The following FGF14 variants were observed in gnomAD, a reference collection of about 807,000 sequenced individuals.
FGF14 encodes fibroblast growth factor homologous factor 4.
Under a neutral mutation model 25.5 loss-of-function variants are expected in FGF14, and 5 were observed. That is an observed-to-expected ratio of 0.20 (90% CI 0.10 to 0.41). The LOEUF is 0.41. Among genes scored for constraint, FGF14 ranks in the 10% least tolerant of loss-of-function variants. The pLI is 1.00. For synonymous variants in FGF14, 138 were observed against 118.3 expected, an observed-to-expected ratio of 1.17 and a Z score of -1.08; for missense variants, 222 against 320.1, an observed-to-expected ratio of 0.69 and a Z score of 2.34.
intron 1 of FGF14, among the ~76,000 whole-genome samples, chr13:102,109,833 T>C (rs1391668735): frequency 6.6e-6 from 1 of 152,210 alleles, no homozygotes; most frequent in East Asian, 1.9e-4. Context: ...TTGGCCAGGC[T>C]GGTCTCGAAC....
chr13:101,827,452 T>C (rs550861587), intron 3 of FGF14, among the ~76,000 whole-genome samples: 19 of 152,040 alleles, frequency 1.2e-4, no homozygotes, highest in African/African-American at 3.9e-4. Flanking sequence ...TTTTAAAGTA[T>C]AGTGTATCAT....
rs1455726574 is a variant in FGF14, at chr13:101,839,079, CCTT to C, written c.408+29643_408+29645del. Among the ~76,000 whole-genome samples the C allele has an allele frequency of 2.0e-5, 3 of 152,018 alleles. No homozygotes were observed. The East Asian group carries it at 5.8e-4, about 29-fold the overall frequency. On this transcript the variant is annotated intron_variant, in intron 3 of 4. Coordinates refer to ENST00000376143, the MANE Select transcript of FGF14 (RefSeq NM_004115.4). ...CAAGGTGTAGTCAAGGCTGAACTCT[CCTT>C]CTTTAAATTAACATGAAAGATGTGA...
chr13:102,208,263 T>G (rs1566818602), intron 1 of FGF14, among the ~76,000 whole-genome samples: 1 of 152,144 alleles, frequency 6.6e-6, no homozygotes, highest in Non-Finnish European at 1.5e-5. Flanking sequence ...GGTCCTGGAG[T>G]GTGCTAAGAC....
intron 3 of FGF14, among the ~76,000 whole-genome samples, chr13:101,811,609 A>G (rs572788379): frequency 6.6e-6 from 1 of 152,328 alleles, no homozygotes; most frequent in African/African-American, 2.4e-5. Context: ...TATGTTTTCA[A>G]TTCCTTTGCA....
intron 1 of FGF14, among the ~76,000 whole-genome samples, chr13:102,097,112 C>G (rs1245627475): frequency 6.6e-6 from 1 of 151,866 alleles, no homozygotes; most frequent in African/African-American, 2.4e-5. Context: ...AAATCCCTCC[C>G]AGGTAGAACT....
chr13:101,872,122 G>A (rs2045127271), intron 2 of FGF14, among the ~76,000 whole-genome samples: 1 of 151,512 alleles, frequency 6.6e-6, no homozygotes, highest in African/African-American at 2.4e-5. Flanking sequence ...ATGAAGATAC[G>A]AAAGTTCAAG....
intron 3 of FGF14, among the ~76,000 whole-genome samples, chr13:101,767,010 C>T (rs2038448112): frequency 6.6e-6 from 1 of 152,122 alleles, no homozygotes; most frequent in East Asian, 1.9e-4. Context: ...TGCAATTAAT[C>T]ACTAATTTGT....
intron 1 of FGF14, among the ~76,000 whole-genome samples, chr13:102,136,381 C>G (rs1343344531): frequency 2.6e-5 from 4 of 152,066 alleles, no homozygotes; most frequent in Non-Finnish European, 2.9e-5. Context: ...TGTCCAAGAT[C>G]ACACGTTAAG....
At chr13:102,306,406 G>T (rs2055381211) in intron 1 of FGF14, among the ~76,000 whole-genome samples, 2 of 138,604 alleles carry the variant, frequency 1.4e-5, no homozygotes, top group African/African-American at 5.1e-5. Flanking sequence ...TTGAGAGAAG[G>T]CAGATGATGG....
At chr13:102,165,104 A>G (rs2047940246) in intron 1 of FGF14, among the ~76,000 whole-genome samples, 1 of 152,150 alleles carries the variant, frequency 6.6e-6, no homozygotes, top group Admixed American at 6.5e-5. Context: ...GCAAATTAAA[A>G]CCACAATGAG....
intron 1 of FGF14, among the ~76,000 whole-genome samples, chr13:102,297,353 T>C (rs777280421): frequency 6.6e-6 from 1 of 152,100 alleles, no homozygotes; most frequent in Non-Finnish European, 1.5e-5. Context: ...TAACATGGTA[T>C]CTTATATGGA....
chr13:101,902,932 C>A (rs563261060), intron 1 of FGF14, among the ~76,000 whole-genome samples: 1 of 152,174 alleles, frequency 6.6e-6, no homozygotes, highest in Admixed American at 6.5e-5. Context: ...TAGTGCTTCT[C>A]TCTCTCTTCC....
At chr13:102,210,318 A>C (rs1017334090) in intron 1 of FGF14, among the ~76,000 whole-genome samples, 1 of 152,104 alleles carries the variant, frequency 6.6e-6, no homozygotes, top group Admixed American at 6.5e-5. Flanking sequence ...TATGTTAAAG[A>C]AGAGATTATT....
chr13:102,362,443 A>G (rs1349999538), intron 1 of FGF14, among the ~76,000 whole-genome samples: 1 of 152,204 alleles, frequency 6.6e-6, no homozygotes, highest in Non-Finnish European at 1.5e-5. Flanking sequence ...AATTCAAGGT[A>G]AGGAATAGAG....
At chr13:102,107,635 C>T (rs1359958187) in intron 1 of FGF14, among the ~76,000 whole-genome samples, 2 of 152,150 alleles carry the variant, frequency 1.3e-5, no homozygotes, top group Admixed American at 6.5e-5. Flanking sequence ...AGAGATGTAA[C>T]TGGTCATGTG....
At chr13:102,362,317 CTCAT>C in intron 1 of FGF14, among the ~76,000 whole-genome samples, 1 of 152,188 alleles carries the variant, frequency 6.6e-6, no homozygotes, top group South Asian at 2.1e-4. Context: ...CTTTTTCTGG[CTCAT>C]TATTATTCAA....
At chr13:101,985,066 AG>A (rs1487643839) in intron 1 of FGF14, among the ~76,000 whole-genome samples, 1 of 131,966 alleles carries the variant, frequency 7.6e-6, no homozygotes, top group South Asian at 2.4e-4. Flanking sequence ...CATGAATTCA[AG>A]GGTTTTTTTT....
intron 3 of FGF14, among the ~76,000 whole-genome samples, chr13:101,817,923 C>A (rs2041922137): frequency 6.6e-6 from 1 of 152,210 alleles, no homozygotes; most frequent in Non-Finnish European, 1.5e-5. Flanking sequence ...ATATTAGTTA[C>A]CACGTACGAT....
chr13:101,838,449 C>T (rs2043035594), intron 3 of FGF14, among the ~76,000 whole-genome samples: 1 of 151,780 alleles, frequency 6.6e-6, no homozygotes, highest in Non-Finnish European at 1.5e-5. Context: ...CATCCTAAAG[C>T]CAAAATATGC....
Sources: allele counts gnomAD v4.1 joint callset (sites outside exome capture counted in the v4.1 genomes callset), GRCh38; gene constraint gnomAD v4.1.1; transcripts MANE v1.5; gene names NCBI Gene and HGNC (gene_info 2026-07-23, HGNC 2026-07-21).